Variants in TXLNB observed in about 807,000 individuals in gnomAD.
The protein encoded by TXLNB is beta-taxilin.
TXLNB carries 37 observed loss-of-function variants against 57.4 expected under a neutral mutation model. The ratio of observed to expected loss-of-function variants is 0.64; its 90% CI spans 0.50 to 0.85. The LOEUF is 0.85. TXLNB is among the 40% of genes least tolerant of loss of function. TXLNB has a pLI of 0.00. For missense variants in TXLNB, 848 were observed against 825.6 expected, an observed-to-expected ratio of 1.03 and a Z score of -0.33; for synonymous variants, 302 against 309.6, an observed-to-expected ratio of 0.98 and a Z score of 0.26.
chr6:139,200,528 T>C, the TXLNB span, among the ~76,000 whole-genome samples: 1 of 152,084 alleles, frequency 6.6e-6, no homozygotes, highest in Admixed American at 6.6e-5. Flanking sequence ...ATAAGTAATT[T>C]TGGGATGCCA....
At chr6:139,294,171 C>T (rs548389032), upstream of TXLNB, among the ~76,000 whole-genome samples, 29 of 152,222 alleles carry the variant, frequency 1.9e-4, no homozygotes, top group South Asian at 1.7e-3. Context: ...AAATGCGACT[C>T]AAATTAATAA....
At chr6:139,247,782 A>G in intron 8 of TXLNB, 35 bp downstream of exon 8, 1 of 1,442,972 alleles carries the variant, frequency 6.9e-7, no homozygotes, top group Non-Finnish European at 9.6e-7. Context: ...AAAATAGAAA[A>G]TGTCAATATT....
chr6:139,218,760 A>AC, the TXLNB span, among the ~76,000 whole-genome samples: 1 of 152,136 alleles, frequency 6.6e-6, no homozygotes, highest in East Asian at 1.9e-4. Flanking sequence ...TAAAAAAAAA[A>AC]GATTCCATAA....
At chr6:139,312,946 A>G in the TXLNB span, among the ~76,000 whole-genome samples, 1 of 152,198 alleles carries the variant, frequency 6.6e-6, no homozygotes. Context: ...CCTCTCGCAC[A>G]CTATTTGTTT....
At chr6:139,317,684 C>T in the TXLNB span, among the ~76,000 whole-genome samples, 1 of 152,052 alleles carries the variant, frequency 6.6e-6, no homozygotes, top group East Asian at 1.9e-4. Context: ...AGCCACCATG[C>T]CCGGCCAAGA....
At chr6:139,174,197 A>C in the TXLNB span, among the ~76,000 whole-genome samples, 1 of 152,246 alleles carries the variant, frequency 6.6e-6, no homozygotes, top group South Asian at 2.1e-4. Context: ...TGCTTTATTG[A>C]CAACAGCTAG....
chr6:139,167,270 C>A, the TXLNB span: 1 of 1,612,648 alleles, frequency 6.2e-7, no homozygotes, highest in Non-Finnish European at 8.5e-7. Context: ...AACTTTGTTC[C>A]TAAGCCCGTC....
downstream of TXLNB, chr6:139,237,655 C>A (rs900008759): frequency 6.6e-6 from 1 of 151,840 alleles, no homozygotes; most frequent in Non-Finnish European, 1.5e-5. Context: ...ATAATGTCTT[C>A]CTGCTTGGCT....
intron 7 of TXLNB, among the ~76,000 whole-genome samples, chr6:139,248,272 CAAAAAAA>C (rs59145478): frequency 3.7e-5 from 3 of 81,490 alleles, no homozygotes; most frequent in African/African-American, 1.3e-4. Flanking sequence ...GACTCCGTCT[CAAAAAAA>C]AAAAAAAAAA....
At chr6:139,301,035 G>T in the TXLNB span, among the ~76,000 whole-genome samples, 1 of 152,168 alleles carries the variant, frequency 6.6e-6, no homozygotes, top group Non-Finnish European at 1.5e-5. Flanking sequence ...TGCCAGTTAG[G>T]AGCCCAAACT....
chr6:139,315,345 T>C, the TXLNB span, among the ~76,000 whole-genome samples: 1 of 152,206 alleles, frequency 6.6e-6, no homozygotes, highest in Non-Finnish European at 1.5e-5. Context: ...CTGCGTGAAT[T>C]ACTCTTTGGC....
intron 4 of TXLNB, among the ~76,000 whole-genome samples, chr6:139,265,834 T>C (rs1382103334): frequency 2.0e-5 from 3 of 152,200 alleles, no homozygotes; most frequent in Non-Finnish European, 4.4e-5. Flanking sequence ...AAAATTCTCA[T>C]ATAAAACATA....
chr6:139,246,743 C>T (rs571702201), intron 8 of TXLNB, among the ~76,000 whole-genome samples: 17 of 151,820 alleles, frequency 1.1e-4, no homozygotes, highest in South Asian at 2.1e-4. Flanking sequence ...GGTGAAACCC[C>T]GTCTTTACTA....
At chr6:139,259,439 A>C (rs192422468) in intron 6 of TXLNB, among the ~76,000 whole-genome samples, 4 of 152,186 alleles carry the variant, frequency 2.6e-5, no homozygotes, top group Non-Finnish European at 4.4e-5. Flanking sequence ...GAGCACACCA[A>C]ATTGGTTCCA....
At chr6:139,273,967 T>C (rs1776831305) in intron 3 of TXLNB, among the ~76,000 whole-genome samples, 1 of 152,226 alleles carries the variant, frequency 6.6e-6, no homozygotes, top group Non-Finnish European at 1.5e-5. Flanking sequence ...GCATAGTTCT[T>C]CTGTACAACT....
At chr6:139,320,172 GTTAC>G in the TXLNB span, among the ~76,000 whole-genome samples, 1 of 152,038 alleles carries the variant, frequency 6.6e-6, no homozygotes, top group Admixed American at 6.5e-5. Flanking sequence ...TTAAATAAAA[GTTAC>G]TTAAGTAACT....
At chr6:139,195,340 A>C in the TXLNB span, among the ~76,000 whole-genome samples, 1 of 152,216 alleles carries the variant, frequency 6.6e-6, no homozygotes, top group Non-Finnish European at 1.5e-5. Context: ...TATAATGTAA[A>C]GAAAATACAA....
At chr6:139,292,737 G>A (rs1049241849), upstream of TXLNB, among the ~76,000 whole-genome samples, 6 of 152,144 alleles carry the variant, frequency 3.9e-5, no homozygotes, top group Admixed American at 2.6e-4. The surrounding 1 kb of genome is among the most constrained non-coding windows in gnomAD (Gnocchi z 4.0). Flanking sequence ...CCCACATTTT[G>A]TAAATCCTCA....
At chr6:139,219,624 A>C in the TXLNB span, among the ~76,000 whole-genome samples, 9 of 152,160 alleles carry the variant, frequency 5.9e-5, no homozygotes, top group African/African-American at 2.2e-4. Flanking sequence ...GGGCTAAAAT[A>C]AGCAGGTTAG....
Sources: allele counts gnomAD v4.1 joint callset (sites outside exome capture counted in the v4.1 genomes callset), GRCh38; gene constraint gnomAD v4.1.1; non-coding constraint Gnocchi (gnomAD v3.1); transcripts MANE v1.5; gene names NCBI Gene and HGNC (gene_info 2026-07-23, HGNC 2026-07-21).